The following RAPGEF4 variants were observed in gnomAD, a reference collection of about 807,000 sequenced individuals.
RAPGEF4 encodes Rap guanine nucleotide exchange factor 4, also known as RAP guanine-nucleotide-exchange factor (GEF) 4.
A neutral mutation model predicts 147.9 loss-of-function variants in RAPGEF4; 66 were observed. The observed-to-expected ratio is 0.45, with a 90% confidence interval of 0.37 to 0.55. The LOEUF is 0.55. Ranked by LOEUF, RAPGEF4 falls within the 20% of genes least tolerant of loss-of-function variation. RAPGEF4 has a pLI of 0.00. For synonymous variants in RAPGEF4, 419 were observed against 442.7 expected, an observed-to-expected ratio of 0.95 and a Z score of 0.67; for missense variants, 1,071 against 1,257.3, an observed-to-expected ratio of 0.85 and a Z score of 2.24.
chr2:172,833,215 A>AAG (rs1690556118), intron 4 of RAPGEF4, among the ~76,000 whole-genome samples: 1 of 151,052 alleles, frequency 6.6e-6, no homozygotes, highest in African/African-American at 2.4e-5. Context: ...GAAAAAAAAA[A>AAG]AAAATCCAAA....
At chr2:172,806,162 G>T (rs1486433466) in intron 3 of RAPGEF4, among the ~76,000 whole-genome samples, 2 of 151,586 alleles carry the variant, frequency 1.3e-5, no homozygotes, top group Non-Finnish European at 2.9e-5. Context: ...CAAAATCCTA[G>T]ATATATATAA....
intron 1 of RAPGEF4, among the ~76,000 whole-genome samples, chr2:172,794,085 A>G (rs555008977): frequency 6.6e-6 from 1 of 152,150 alleles, no homozygotes; most frequent in East Asian, 1.9e-4. Context: ...CCAAGATTGC[A>G]TCACTGCACA....
At chr2:173,047,118 C>T (rs900786195) in intron 29 of RAPGEF4, among the ~76,000 whole-genome samples, 1 of 150,486 alleles carries the variant, frequency 6.6e-6, no homozygotes, top group African/African-American at 2.4e-5. Context: ...CACAGGACCC[C>T]CTTTAGAGCC....
chr2:172,855,773 A>T (rs1430715502), intron 4 of RAPGEF4, among the ~76,000 whole-genome samples: 1 of 152,194 alleles, frequency 6.6e-6, no homozygotes, highest in Non-Finnish European at 1.5e-5. Flanking sequence ...TAATGATGTC[A>T]TTCCATTATC....
chr2:173,020,711 C>T lies in RAPGEF4; in HGVS notation c.2249C>T (p.Ser750Leu). 1 of 1,612,654 alleles carries T rather than the reference C, an allele frequency of 6.2e-7. No individual in the cohort carries two copies. The highest frequency in any genetic ancestry group is 8.5e-7 in the Non-Finnish European group (1 of 1,178,916). ...GCTTGCCCGCGAGAGCAATTCGATT[C>T]ACTGGTAGGTGTGGATGGCCTGCTC... ...LFACPREQFD[S>L]LTPLPEQEGP... The change falls in exon 23 of 31, where the codon TCA (serine) becomes TTA (leucine). Residue 750 changes from serine to leucine, a missense_variant. Coordinates refer to ENST00000397081, the MANE Select transcript of RAPGEF4 (RefSeq NM_007023.4).
chr2:172,940,779 C>T lies in RAPGEF4; in HGVS notation c.537+18479C>T, dbSNP rs533384488. Among the ~76,000 whole-genome samples the T allele has an allele frequency of 9.9e-5, 15 of 152,202 alleles. No individual in the cohort carries two copies. In the South Asian group the frequency reaches 2.7e-3, roughly 27 times the overall value. On this transcript the variant is annotated intron_variant, in intron 6 of 30. Transcript: ENST00000397081. ...TCTACAGAATAGATTCCTGGGATTT[C>T]GATTGGGATTCATTGGATCTATAGA...
At chr2:173,021,606 A>G (rs1042814127) in intron 23 of RAPGEF4, among the ~76,000 whole-genome samples, 2 of 152,184 alleles carry the variant, frequency 1.3e-5, no homozygotes, top group Non-Finnish European at 2.9e-5. Context: ...AGAAAAGAAA[A>G]GAAAGGCACA....
chr2:172,775,525 A>G (rs1232582514), intron 1 of RAPGEF4, among the ~76,000 whole-genome samples: 1 of 152,168 alleles, frequency 6.6e-6, no homozygotes, highest in Non-Finnish European at 1.5e-5. Context: ...TTTTCATTCT[A>G]TGCAGTGAGG....
At chr2:172,743,987 A>G (rs1405065089) in intron 1 of RAPGEF4, among the ~76,000 whole-genome samples, 3 of 152,156 alleles carry the variant, frequency 2.0e-5, no homozygotes, top group African/African-American at 7.2e-5. Flanking sequence ...CATCAAAATG[A>G]TCTCTAACCT....
intron 4 of RAPGEF4, among the ~76,000 whole-genome samples, chr2:172,835,458 G>A (rs1252125816): frequency 1.3e-5 from 2 of 152,170 alleles, no homozygotes; most frequent in Non-Finnish European, 2.9e-5. Flanking sequence ...GAAAGCACAT[G>A]GGCATGGTAT....
In RAPGEF4 at chr2:172,751,192, T is replaced by A. The variant is rs79326771; in HGVS notation, c.65+15144T>A. 2.4e-3 allele frequency among the ~76,000 whole-genome samples: 373 copies of A among 152,348 alleles called. 3 individuals are homozygous for A. Among genetic ancestry groups the A allele is most frequent in the East Asian group, 0.019 (101 of 5,180 alleles). On this transcript the variant is annotated intron_variant, in intron 1 of 30. Coordinates refer to ENST00000397081, the MANE Select transcript of RAPGEF4 (RefSeq NM_007023.4). ...AAAGGATCTGATTGTAGTAATTTACTTTCCTACTGTCATTCACTCATTCAT... is the reference window on the plus strand; with the variant it reads ...AAAGGATCTGATTGTAGTAATTTACATTCCTACTGTCATTCACTCATTCAT...
chr2:172,809,242 T>C (rs906032830), intron 3 of RAPGEF4, among the ~76,000 whole-genome samples: 1 of 152,064 alleles, frequency 6.6e-6, no homozygotes. Flanking sequence ...GGTAGCATGA[T>C]GAGACTTGGC....
At chr2:172,846,756 C>G (rs970315456) in intron 4 of RAPGEF4, among the ~76,000 whole-genome samples, 2 of 152,318 alleles carry the variant, frequency 1.3e-5, no homozygotes, top group Non-Finnish European at 1.5e-5. Flanking sequence ...AGGCCCGGCC[C>G]AGCCCCTATG....
At chr2:172,817,903 T>TTATATA (rs199874683) in intron 4 of RAPGEF4, among the ~76,000 whole-genome samples, 1 of 144,556 alleles carries the variant, frequency 6.9e-6, no homozygotes, top group African/African-American at 2.5e-5. Context: ...TATATCACAA[T>TTATATA]TATATATATA....
At chr2:172,965,770 C>T in intron 9 of RAPGEF4, 87 bp downstream of exon 9, 1 of 1,544,694 alleles carries the variant, frequency 6.5e-7, no homozygotes, top group Non-Finnish European at 8.9e-7. Context: ...CTTGAATGGG[C>T]AAGAAAGAAT....
At chr2:172,982,027 G>A (rs1021149625) in intron 10 of RAPGEF4, among the ~76,000 whole-genome samples, 2 of 152,106 alleles carry the variant, frequency 1.3e-5, no homozygotes, top group South Asian at 4.1e-4. Context: ...GCTTCTGTTA[G>A]CTCTCACATC....
chr2:172,834,170 C>G (rs1209716952), intron 4 of RAPGEF4, among the ~76,000 whole-genome samples: 1 of 152,216 alleles, frequency 6.6e-6, no homozygotes, highest in Non-Finnish European at 1.5e-5. Flanking sequence ...CATGGTCTCT[C>G]TTTCTCTTTA....
At chr2:172,962,068 G>A (rs1403619878) in intron 8 of RAPGEF4, among the ~76,000 whole-genome samples, 8 of 152,126 alleles carry the variant, frequency 5.3e-5, no homozygotes, top group Admixed American at 2.6e-4. Flanking sequence ...AACCATGGTG[G>A]GCCAGTTAAG....
intron 1 of RAPGEF4, among the ~76,000 whole-genome samples, chr2:172,779,392 G>C (rs1041444793): frequency 5.3e-5 from 8 of 152,218 alleles, no homozygotes; most frequent in African/African-American, 1.9e-4. Context: ...GCAAGGGCAT[G>C]AGCTGGGCAG....
Sources: allele counts gnomAD v4.1 joint callset (sites outside exome capture counted in the v4.1 genomes callset), GRCh38; gene constraint gnomAD v4.1.1; transcripts MANE v1.5; gene names NCBI Gene and HGNC (gene_info 2026-07-23, HGNC 2026-07-21).